The following ERG variants were observed in gnomAD, a reference collection of about 807,000 sequenced individuals.
ERG encodes the protein transcriptional regulator ERG.
A neutral mutation model predicts 55.3 loss-of-function variants in ERG; 9 were observed. The ratio of observed to expected loss-of-function variants is 0.16; its 90% CI spans 0.10 to 0.28. ERG has a LOEUF of 0.28. Ranked by LOEUF, ERG falls within the 10% of genes least tolerant of loss-of-function variation. The pLI is 1.00. For synonymous variants in ERG, 223 were observed against 237.3 expected, an observed-to-expected ratio of 0.94 and a Z score of 0.55; for missense variants, 434 against 631.6, an observed-to-expected ratio of 0.69 and a Z score of 3.35.
intron 3 of ERG, among the ~76,000 whole-genome samples, chr21:38,419,026 C>CATGGGGGA (rs1234156918): frequency 2.6e-5 from 4 of 151,810 alleles, no homozygotes; most frequent in Admixed American, 2.0e-4. Flanking sequence ...ATGTAACCAG[C>CATGGGGGA]ATGGGGGATG....
At chr21:38,422,313 C>A (rs1428849408) in intron 3 of ERG, among the ~76,000 whole-genome samples, 1 of 152,264 alleles carries the variant, frequency 6.6e-6, no homozygotes, top group South Asian at 2.1e-4. Context: ...CAGGAGGGAA[C>A]CCACAGAAAT....
chr21:38,428,318 G>A (rs1465572239), intron 2 of ERG, among the ~76,000 whole-genome samples: 2 of 152,182 alleles, frequency 1.3e-5, no homozygotes, highest in African/African-American at 4.8e-5. Context: ...CTGCACAAAT[G>A]TGTGTCTTGA....
At chr21:38,582,972 A>AT (rs1172379424) in intron 1 of ERG, among the ~76,000 whole-genome samples, 1 of 152,248 alleles carries the variant, frequency 6.6e-6, no homozygotes, top group Non-Finnish European at 1.5e-5. Flanking sequence ...GCTAATTTTC[A>AT]TAAGAGCCCT....
intron 3 of ERG, among the ~76,000 whole-genome samples, chr21:38,412,625 T>C (rs1449307676): frequency 1.3e-5 from 2 of 152,204 alleles, no homozygotes; most frequent in Non-Finnish European, 2.9e-5. Context: ...ATTAAATCTT[T>C]TGTTATTATC....
chr21:38,493,951 A>C (rs1423584389), intron 1 of ERG, among the ~76,000 whole-genome samples: 1 of 152,182 alleles, frequency 6.6e-6, no homozygotes, highest in Non-Finnish European at 1.5e-5. Context: ...CAGAGCCTGA[A>C]AGACAATACG....
chr21:38,503,517 C>T (rs565534335), intron 2 of ERG, among the ~76,000 whole-genome samples: 1 of 150,686 alleles, frequency 6.6e-6, no homozygotes, highest in East Asian at 1.9e-4. Context: ...GATTACAGGG[C>T]TCTATCCAGT....
intron 1 of ERG, among the ~76,000 whole-genome samples, chr21:38,633,660 G>C (rs904453569): frequency 4.6e-5 from 7 of 151,972 alleles, no homozygotes; most frequent in Admixed American, 4.6e-4. Context: ...TGTGTTTTCT[G>C]AGGCCTGTTT....
upstream of ERG, among the ~76,000 whole-genome samples, chr21:38,587,382 G>A (rs1314674175): frequency 2.7e-5 from 4 of 149,358 alleles, no homozygotes; most frequent in South Asian, 2.1e-4. Context: ...TTTTTGAGAC[G>A]GAGTCTCGCT....
At chr21:38,481,413 T>C (rs2836433) in intron 1 of ERG, among the ~76,000 whole-genome samples, 19,572 of 152,188 alleles carry the variant, frequency 0.13, 2,037 homozygotes, top group African/African-American at 0.28. Context: ...AAAAATCTTA[T>C]CAAGATAATA....
chr21:38,484,347 C>T (rs2059264649), intron 1 of ERG, among the ~76,000 whole-genome samples: 1 of 152,138 alleles, frequency 6.6e-6, no homozygotes, highest in Admixed American at 6.5e-5. Flanking sequence ...AAAGAATGTG[C>T]CACTCTAAGT....
chr21:38,636,055 C>T (rs2060386233), intron 1 of ERG, among the ~76,000 whole-genome samples: 1 of 104,518 alleles, frequency 9.6e-6, no homozygotes, highest in Admixed American at 8.9e-5. Flanking sequence ...GGGGTGGTAC[C>T]CTCTTGCTGT....
chr21:38,391,080 G>T (rs1035957929), intron 8 of ERG, 38 bp from the exon 9 acceptor site: 1 of 1,548,006 alleles, frequency 6.5e-7, no homozygotes, highest in Non-Finnish European at 8.9e-7. Flanking sequence ...CCTAGACATA[G>T]TTGTAACATA....
In ERG at chr21:38,382,420, T is replaced by TGAA; in HGVS notation, c.*982_*983insTTC. 4 of 1,061,340 alleles carry TGAA rather than the reference T, an allele frequency of 3.8e-6. No homozygotes were observed. The highest frequency in any genetic ancestry group is 4.6e-6 in the Non-Finnish European group (4 of 876,462). The allele number at this position is 1,061,340 out of a possible 1,614,324, so 65.7% of individuals were successfully genotyped here. A position where few individuals can be genotyped will look rare whatever the true frequency, so the allele number is the denominator to read the frequency against. On this transcript the variant is annotated 3_prime_UTR_variant, in exon 10 of 10. Transcript: ENST00000288319. ...CACATAATGATGAGGTCCTGAATGT[T>TGAA]TCTCTTAAATATCAGACAATTCCAG...
intron 1 of ERG, among the ~76,000 whole-genome samples, chr21:38,580,612 ATTT>A (rs2060022801): frequency 6.6e-6 from 1 of 152,170 alleles, no homozygotes; most frequent in South Asian, 2.1e-4. Context: ...ACCCAGCTAT[ATTT>A]TATTATTGGG....
At position 38,473,076 on chromosome 21, in the gene ERG, G is replaced by A. The variant is rs1426527590; in HGVS notation, c.18+25287C>T. On this transcript the variant is annotated intron_variant, in intron 1 of 9. Coordinates refer to ENST00000288319, the MANE Select transcript of ERG (RefSeq NM_182918.4). ...CCAGTCCGCTGCCTTCTGAGACGTA[G>A]TTCTGAGGTGTAGCAAGTTTTCATT... Among the ~76,000 whole-genome samples, 6 of 147,912 alleles carry A rather than the reference G, an allele frequency of 4.1e-5. No individual in the cohort carries two copies. In the South Asian group the frequency reaches 1.3e-3, roughly 31 times the overall value.
At chr21:38,630,888 A>T (rs2060352537) in intron 1 of ERG, among the ~76,000 whole-genome samples, 1 of 152,240 alleles carries the variant, frequency 6.6e-6, no homozygotes, top group Non-Finnish European at 1.5e-5. Context: ...GTTATTCACC[A>T]TATACCCTCA....
At chr21:38,596,059 G>GC (rs941303263) in intron 1 of ERG, among the ~76,000 whole-genome samples, 36 of 63,236 alleles carry the variant, frequency 5.7e-4, no homozygotes, top group African/African-American at 1.3e-3. Context: ...GTGGGATTGG[G>GC]GGGGGGGGGT....
intron 1 of ERG, among the ~76,000 whole-genome samples, chr21:38,630,508 C>A (rs1289263583): frequency 5.9e-5 from 9 of 152,158 alleles, no homozygotes; most frequent in Non-Finnish European, 1.2e-4. Flanking sequence ...GTTCAACCTT[C>A]CCTTGAGGGA....
At chr21:38,532,257 T>C (rs2059677681) in intron 2 of ERG, among the ~76,000 whole-genome samples, 1 of 152,170 alleles carries the variant, frequency 6.6e-6, no homozygotes, top group African/African-American at 2.4e-5. Context: ...TCCAGGGTGC[T>C]AATTTCTGGA....
Sources: allele counts gnomAD v4.1 joint callset (sites outside exome capture counted in the v4.1 genomes callset), GRCh38; gene constraint gnomAD v4.1.1; transcripts MANE v1.5; gene names NCBI Gene and HGNC (gene_info 2026-07-23, HGNC 2026-07-21).